EXT1: variants seen among roughly 807,000 people sequenced by gnomAD.
EXT1 encodes exostosin-1.
EXT1 carries 20 observed loss-of-function variants against 82.5 expected under a neutral mutation model. That is an observed-to-expected ratio of 0.24 (90% CI 0.17 to 0.35). EXT1 has a LOEUF of 0.35. Ranked by LOEUF, EXT1 falls within the 10% of genes least tolerant of loss-of-function variation. EXT1 has a pLI of 1.00. For synonymous variants in EXT1, 348 were observed against 350.8 expected (o/e 0.99, Z 0.09); for missense variants, 757 against 936.5 (o/e 0.81, Z 2.50).
intron 1 of EXT1, among the ~76,000 whole-genome samples, chr8:117,997,879 C>T (rs182819254): frequency 1.8e-4 from 28 of 152,268 alleles, no homozygotes; most frequent in Non-Finnish European, 2.5e-4. Context: ...CAGTGAATCA[C>T]CCTGACTGAG....
intron 1 of EXT1, among the ~76,000 whole-genome samples, chr8:118,070,099 A>G (rs1586375605): frequency 6.6e-6 from 1 of 152,180 alleles, no homozygotes; most frequent in South Asian, 2.1e-4. Context: ...AACTTCAGCA[A>G]ATTTGATTTA....
chr8:117,800,087 C>T (rs186665076), intron 10 of EXT1, among the ~76,000 whole-genome samples, 190 bp from the exon 11 acceptor site: 4 of 152,306 alleles, frequency 2.6e-5, no homozygotes, highest in South Asian at 2.1e-4. Flanking sequence ...AGGTATGCTA[C>T]GTTCCTCAGT....
chr8:117,863,549 A>G (rs1812723016), intron 1 of EXT1, among the ~76,000 whole-genome samples: 1 of 151,916 alleles, frequency 6.6e-6, no homozygotes, highest in Admixed American at 6.6e-5. Context: ...CAGATTTATC[A>G]TATGTCCTGA....
At chr8:118,016,518 C>A (rs755019884) in intron 1 of EXT1, among the ~76,000 whole-genome samples, 3 of 152,174 alleles carry the variant, frequency 2.0e-5, no homozygotes, top group Non-Finnish European at 4.4e-5. Context: ...AGCCACAGGA[C>A]CAAGACCTGG....
rs17474713 is a variant in EXT1 at position 117,840,663 on chromosome 8, T to A, written c.963-3462A>T. Among the ~76,000 whole-genome samples the A allele has an allele frequency of 3.7e-3, 565 of 151,008 alleles. 1 individual carries two copies. Among genetic ancestry groups the A allele is most frequent in the African/African-American group, 0.013 (525 of 41,252 alleles). On this transcript the variant is annotated intron_variant, in intron 1 of 10. Coordinates refer to ENST00000378204, the MANE Select transcript of EXT1 (RefSeq NM_000127.3). ...AGAGAACGTATTTGCCAATCATATA[T>A]GATAAGGGACTTTCATCTAGAATAC...
At position 118,039,909 on chromosome 8, in the gene EXT1, T is replaced by C. The variant is rs540142358; in HGVS notation, c.962+70176A>G. Among the ~76,000 whole-genome samples, 5 of 152,346 alleles carry C rather than the reference T, an allele frequency of 3.3e-5. No homozygotes were observed. In the East Asian group the frequency reaches 7.7e-4, roughly 24 times the overall value. ...GAGAATAGCACTTCTCCTAAGTCCA[T>C]GTAAGCATTTTGACTTTGAATTTTC... On this transcript the variant is annotated intron_variant, in intron 1 of 10. Coordinates refer to ENST00000378204, the MANE Select transcript of EXT1 (RefSeq NM_000127.3).
At chr8:117,847,313 C>G (rs575110576) in intron 1 of EXT1, among the ~76,000 whole-genome samples, 11 of 152,290 alleles carry the variant, frequency 7.2e-5, no homozygotes, top group East Asian at 5.8e-4. Context: ...TATGCTTACA[C>G]CAAGCCCAAT....
intron 1 of EXT1, among the ~76,000 whole-genome samples, chr8:117,976,623 T>A (rs368949877): frequency 6.6e-6 from 1 of 152,242 alleles, no homozygotes; most frequent in Non-Finnish European, 1.5e-5. Flanking sequence ...GCTAGAAATA[T>A]TCTATATTTT....
At chr8:117,914,516 T>C (rs1184451214) in intron 1 of EXT1, among the ~76,000 whole-genome samples, 3 of 152,228 alleles carry the variant, frequency 2.0e-5, no homozygotes, top group African/African-American at 7.2e-5. Flanking sequence ...GCAGAGAGCC[T>C]ATAAATGGAC....
rs548699962 is a variant in EXT1 at position 118,046,889 on chromosome 8, A to C, written c.962+63196T>G. Among the ~76,000 whole-genome samples, 11 of 152,324 alleles carry C rather than the reference A, an allele frequency of 7.2e-5. No homozygotes were observed. The South Asian group carries it at 2.3e-3, about 32-fold the overall frequency. On this transcript the variant is annotated intron_variant, in intron 1 of 10. Transcript: ENST00000378204. Reference sequence around the variant, plus strand: ...TGGGGTCTTTCTTTGTGGTCTGTTTATACCCCAACATATATTCACCAAGAC... The same window carrying C: ...TGGGGTCTTTCTTTGTGGTCTGTTTCTACCCCAACATATATTCACCAAGAC...
At chr8:117,861,152 A>G (rs1812677019) in intron 1 of EXT1, among the ~76,000 whole-genome samples, 3 of 152,152 alleles carry the variant, frequency 2.0e-5, no homozygotes. Flanking sequence ...ACAGACATCT[A>G]CGTCCCCAAC....
chr8:117,898,235 T>C (rs1813379119), intron 1 of EXT1, among the ~76,000 whole-genome samples: 1 of 152,174 alleles, frequency 6.6e-6, no homozygotes, highest in Non-Finnish European at 1.5e-5. Flanking sequence ...GCTTCCAAGA[T>C]CCCATACTGG....
intron 1 of EXT1, among the ~76,000 whole-genome samples, chr8:118,017,383 G>A (rs1294124918): frequency 6.6e-6 from 1 of 152,020 alleles, no homozygotes; most frequent in Non-Finnish European, 1.5e-5. Flanking sequence ...TGAAACAAAA[G>A]AGTTATTTGA....
intron 1 of EXT1, among the ~76,000 whole-genome samples, chr8:117,986,288 C>T (rs2129777991): frequency 6.6e-6 from 1 of 151,474 alleles, no homozygotes; most frequent in Admixed American, 6.6e-5. Context: ...CTCCTGGGTT[C>T]AAGCGATTCT....
At chr8:118,108,047 A>G (rs1253418801) in intron 1 of EXT1, among the ~76,000 whole-genome samples, 1 of 152,206 alleles carries the variant, frequency 6.6e-6, no homozygotes, top group African/African-American at 2.4e-5. Flanking sequence ...TGGGTGTCAT[A>G]TTTCTTGGCC....
intron 1 of EXT1, among the ~76,000 whole-genome samples, chr8:118,037,954 C>T (rs1204027924): frequency 6.6e-6 from 1 of 150,898 alleles, no homozygotes; most frequent in African/African-American, 2.5e-5. Flanking sequence ...GACTATCCTG[C>T]CTCAGCCTCC....
At chr8:118,048,791 T>C (rs1163026057) in intron 1 of EXT1, among the ~76,000 whole-genome samples, 2 of 152,212 alleles carry the variant, frequency 1.3e-5, no homozygotes, top group Non-Finnish European at 2.9e-5. Context: ...TCACTGATTA[T>C]CACAAACAGT....
intron 1 of EXT1, among the ~76,000 whole-genome samples, chr8:118,009,433 C>A (rs17453742): frequency 0.016 from 2,397 of 152,232 alleles, 21 homozygotes; most frequent in Non-Finnish European, 0.018. Context: ...GAGAAAAGGA[C>A]GTGGAGAAAG....
At chr8:118,107,904 A>C (rs1817827757) in intron 1 of EXT1, among the ~76,000 whole-genome samples, 1 of 152,190 alleles carries the variant, frequency 6.6e-6, no homozygotes, top group African/African-American at 2.4e-5. Flanking sequence ...ATGAAAATCC[A>C]GAAGTGTCCC....
Sources: gnomAD v4.1 joint callset for allele counts (sites outside exome capture counted in the v4.1 genomes callset) on GRCh38, gnomAD v4.1.1 for gene constraint, MANE v1.5 for transcripts, NCBI Gene and HGNC (gene_info 2026-07-23, HGNC 2026-07-21) for gene names.